BEND5: variants seen among roughly 807,000 people sequenced by gnomAD.
The protein encoded by BEND5 is BEN domain containing 5.
In BEND5, 22 loss-of-function variants were observed where a neutral mutation model predicts 43.9. The ratio of observed to expected loss-of-function variants is 0.50; its 90% CI spans 0.36 to 0.72. The LOEUF (loss-of-function observed/expected upper bound fraction) is 0.72. BEND5 is among the 30% of genes least tolerant of loss of function. The probability of loss-of-function intolerance (pLI) is 0.00; values close to 1 mark genes in which losing one functional copy is unlikely to be tolerated. For synonymous variants in BEND5, 228 were observed against 225.9 expected (o/e 1.01, Z -0.08); for missense variants, 428 against 550.6 (o/e 0.78, Z 2.23).
intron 3 of BEND5, among the ~76,000 whole-genome samples, chr1:48,755,567 CAT>C (rs1242948443): frequency 6.6e-6 from 1 of 152,214 alleles, no homozygotes; most frequent in African/African-American, 2.4e-5. Context: ...TAACCCAGGA[CAT>C]GTTTCTCAGA....
chr1:48,773,182 C>T (rs1356111424), intron 1 of BEND5, among the ~76,000 whole-genome samples: 2 of 152,054 alleles, frequency 1.3e-5, no homozygotes, highest in East Asian at 1.9e-4. Context: ...TAACAGAGCA[C>T]AGGTGCCTAG....
chr1:48,730,498 G>C (rs1034220899), intron 5 of BEND5, among the ~76,000 whole-genome samples: 1 of 152,308 alleles, frequency 6.6e-6, no homozygotes, highest in African/African-American at 2.4e-5. Flanking sequence ...AAGTGGCAAA[G>C]GAGACAGAAG....
At chr1:48,743,084 G>A (rs574423862) in intron 3 of BEND5, among the ~76,000 whole-genome samples, 8 of 152,282 alleles carry the variant, frequency 5.3e-5, no homozygotes, top group East Asian at 1.9e-4. Context: ...GTTCTGTTAC[G>A]CCTGGGTTGG....
chr1:48,735,457 T>C (rs1420322528), intron 5 of BEND5, among the ~76,000 whole-genome samples: 4 of 128,800 alleles, frequency 3.1e-5, no homozygotes, highest in Non-Finnish European at 6.5e-5. Context: ...GGAGAGAAAG[T>C]AGAGGAAGGA....
chr1:48,736,515 T>C lies in BEND5; in HGVS notation c.895-63A>G, dbSNP rs1649084478. Reference sequence around the variant, plus strand: ...ACAGGAGGGCAGTGGGAGGCTTCTCTTGTCCTTTAAAAAGCATTGCTGCAC... The same window carrying C: ...ACAGGAGGGCAGTGGGAGGCTTCTCCTGTCCTTTAAAAAGCATTGCTGCAC... On this transcript the variant is annotated intron_variant, in intron 4 of 5. Transcript: ENST00000371833. This position sits in a 1 kb window ranked among gnomAD's most constrained non-coding sequence, Gnocchi z 4.0. 7.1e-7 allele frequency: 1 copy of C among 1,415,178 alleles called. No homozygotes were observed. The highest frequency in any genetic ancestry group is 1.4e-5 in the African/African-American group (1 of 69,932). The allele number at this position is 1,415,178 out of a possible 1,614,324, so 87.7% of individuals were successfully genotyped here.
At chr1:48,766,183 A>C (rs1023500685) in intron 1 of BEND5, among the ~76,000 whole-genome samples, 1 of 152,178 alleles carries the variant, frequency 6.6e-6, no homozygotes, top group African/African-American at 2.4e-5. Context: ...ATACCTCACA[A>C]CAACCTTGCA....
Position 48,759,289 on chromosome 1 carries a change from G to T in BEND5, c.361-5C>A. ...CGGCTTCCGCCCCTCAGGTCTCTGT[G>T]TAGGACAACGAGAATCAGTTCAGGC... On this transcript the variant is annotated splice_polypyrimidine_tract_variant and splice_region_variant and intron_variant, in intron 2 of 5. Transcript: ENST00000371833. 1.3e-6 allele frequency: 2 copies of T among 1,551,780 alleles called. No individual in the cohort carries two copies. The highest frequency in any genetic ancestry group is 1.7e-6 in the Non-Finnish European group (2 of 1,147,536).
intron 3 of BEND5, among the ~76,000 whole-genome samples, chr1:48,751,417 T>C (rs1283108799): frequency 6.6e-6 from 1 of 152,186 alleles, no homozygotes; most frequent in South Asian, 2.1e-4. Flanking sequence ...TCAGACTGCC[T>C]GACGCATGGC....
intron 2 of BEND5, among the ~76,000 whole-genome samples, chr1:48,759,547 C>G (rs569270988): frequency 2.6e-4 from 40 of 152,310 alleles, no homozygotes; most frequent in Non-Finnish European, 4.4e-4. Flanking sequence ...TGCACTTTTT[C>G]CTTTTCACCA....
At chr1:48,772,618 T>C (rs1263426165) in intron 1 of BEND5, among the ~76,000 whole-genome samples, 1 of 152,132 alleles carries the variant, frequency 6.6e-6, no homozygotes, top group African/African-American at 2.4e-5. Context: ...GCTAAGAAAC[T>C]AAAACTTTTT....
At chr1:48,730,933 A>C (rs1030813193) in intron 5 of BEND5, among the ~76,000 whole-genome samples, 2 of 152,218 alleles carry the variant, frequency 1.3e-5, no homozygotes, top group Non-Finnish European at 2.9e-5. Context: ...TCATTAGAGC[A>C]AGACTCTGCT....
At chr1:48,730,160 A>G (rs774681558) in intron 5 of BEND5, among the ~76,000 whole-genome samples, 1 of 152,104 alleles carries the variant, frequency 6.6e-6, no homozygotes, top group African/African-American at 2.4e-5. Flanking sequence ...ACGAATCACA[A>G]TCTAATAAAA....
At chr1:48,751,490 G>A (rs1651722487) in intron 3 of BEND5, among the ~76,000 whole-genome samples, 1 of 152,186 alleles carries the variant, frequency 6.6e-6, no homozygotes, top group East Asian at 1.9e-4. Flanking sequence ...GTGGCCTCAG[G>A]CAAGTTACCT....
At chr1:48,754,437 C>T (rs908647801) in intron 3 of BEND5, among the ~76,000 whole-genome samples, 26 of 152,118 alleles carry the variant, frequency 1.7e-4, no homozygotes, top group African/African-American at 4.1e-4. Flanking sequence ...AGGATACCCT[C>T]GATAACTGTT....
At chr1:48,764,481 G>A (rs185211951) in intron 1 of BEND5, among the ~76,000 whole-genome samples, 11 of 152,316 alleles carry the variant, frequency 7.2e-5, no homozygotes, top group Non-Finnish European at 1.0e-4. Context: ...GAAGCCAAAT[G>A]GGGAAGGGGG....
At chr1:48,749,682 G>A (rs962293929) in intron 3 of BEND5, among the ~76,000 whole-genome samples, 9 of 152,182 alleles carry the variant, frequency 5.9e-5, no homozygotes, top group Non-Finnish European at 1.3e-4. Flanking sequence ...GAGGGGTGCG[G>A]TGGAAGGGGA....
At chr1:48,754,532 G>C (rs1220451663) in intron 3 of BEND5, among the ~76,000 whole-genome samples, 1 of 152,008 alleles carries the variant, frequency 6.6e-6, no homozygotes, top group African/African-American at 2.4e-5. Context: ...CATGCTTTTT[G>C]CATCCTCGGC....
intron 1 of BEND5, among the ~76,000 whole-genome samples, chr1:48,772,558 G>T (rs1333093298): frequency 6.6e-6 from 1 of 152,212 alleles, no homozygotes; most frequent in Non-Finnish European, 1.5e-5. Flanking sequence ...GGCTGGAGAA[G>T]TAAGGTGGGG....
chr1:48,738,361 T>C (rs778455916), intron 4 of BEND5, among the ~76,000 whole-genome samples: 21 of 152,354 alleles, frequency 1.4e-4, no homozygotes, highest in Non-Finnish European at 2.5e-4. Context: ...ACTGCAAATC[T>C]GTTCATCCGC....
Sources: allele counts gnomAD v4.1 joint callset (sites outside exome capture counted in the v4.1 genomes callset), GRCh38; gene constraint gnomAD v4.1.1; non-coding constraint Gnocchi (gnomAD v3.1); transcripts MANE v1.5; gene names NCBI Gene and HGNC (gene_info 2026-07-23, HGNC 2026-07-21).